The following SGCD variants were observed in gnomAD, a reference collection of about 807,000 sequenced individuals.
SGCD encodes sarcoglycan delta.
A neutral mutation model predicts 36.6 loss-of-function variants in SGCD; 18 were observed. That is an observed-to-expected ratio of 0.49 (90% CI 0.34 to 0.73). SGCD has a LOEUF of 0.73. Ranked by LOEUF, SGCD falls within the 30% of genes least tolerant of loss-of-function variation. The pLI is 0.01. For synonymous variants in SGCD, 133 were observed against 130.6 expected, an observed-to-expected ratio of 1.02 and a Z score of -0.12; for missense variants, 387 against 346.7, an observed-to-expected ratio of 1.12 and a Z score of -0.92.
intron 7 of SGCD, among the ~76,000 whole-genome samples, chr5:156,711,274 A>G (rs892254201): frequency 3.3e-5 from 5 of 152,156 alleles, no homozygotes; most frequent in African/African-American, 4.8e-5. Context: ...TGTTTTCCCC[A>G]TAGAGGCAGA....
intron 1 of SGCD, among the ~76,000 whole-genome samples, chr5:155,977,662 A>T (rs1352987563): frequency 6.6e-6 from 1 of 152,222 alleles, no homozygotes; most frequent in Non-Finnish European, 1.5e-5. Flanking sequence ...AGCCCAGAAT[A>T]TTCACCCAGG....
chr5:155,912,458 T>C (rs1339505436), intron 1 of SGCD, among the ~76,000 whole-genome samples: 1 of 152,190 alleles, frequency 6.6e-6, no homozygotes, highest in Non-Finnish European at 1.5e-5. Flanking sequence ...CATGAACACC[T>C]TGGGTTCTGT....
chr5:156,389,864 G>A (rs1487487531), intron 3 of SGCD, among the ~76,000 whole-genome samples: 1 of 151,778 alleles, frequency 6.6e-6, no homozygotes, highest in African/African-American at 2.4e-5. Context: ...TTAGAAGCTT[G>A]TTGTATGACT....
chr5:155,868,410 G>A (rs577437086), upstream of SGCD, among the ~76,000 whole-genome samples: 131 of 144,572 alleles, frequency 9.1e-4, no homozygotes, highest in Non-Finnish European at 1.4e-3. Context: ...GTTGACCAGG[G>A]TGCCAGACTG....
chr5:156,026,150 G>GTAC (rs1247446258), intron 1 of SGCD, among the ~76,000 whole-genome samples: 1 of 152,208 alleles, frequency 6.6e-6, no homozygotes, highest in East Asian at 1.9e-4. Context: ...ATGCAACTTA[G>GTAC]TACTGTGGGT....
Position 156,589,446 on chromosome 5 carries a change from T to G in SGCD, c.382+128T>G, listed in dbSNP as rs541488895. The G allele has an allele frequency of 1.0e-5, 6 of 597,452 alleles. No homozygotes were observed. In the African/African-American group the frequency reaches 1.1e-4, roughly 11 times the overall value. 37.0% of individuals were successfully genotyped at this position (597,452 alleles called of 1,614,324 possible). On this transcript the variant is annotated intron_variant, in intron 5 of 8. Transcript: ENST00000337851. Reference sequence around the variant, plus strand: ...GCTAACACATTGTTGAGAAAGAGAATGTAGCATGTGTTCCATGATTCTACT... The same window carrying G: ...GCTAACACATTGTTGAGAAAGAGAAGGTAGCATGTGTTCCATGATTCTACT...
At chr5:156,584,482 G>A (rs1760410701) in intron 4 of SGCD, among the ~76,000 whole-genome samples, 2 of 152,204 alleles carry the variant, frequency 1.3e-5, no homozygotes, top group Non-Finnish European at 2.9e-5. Flanking sequence ...AGATGAAAAT[G>A]TTAATACAGT....
intron 1 of SGCD, among the ~76,000 whole-genome samples, chr5:156,101,209 G>C (rs1022071440): frequency 1.3e-5 from 2 of 152,204 alleles, no homozygotes; most frequent in Non-Finnish European, 2.9e-5. Context: ...GTATTCTGTA[G>C]TTTGACTGTG....
intron 3 of SGCD, among the ~76,000 whole-genome samples, chr5:156,442,325 A>G (rs930317262): frequency 5.9e-5 from 9 of 152,218 alleles, no homozygotes; most frequent in Non-Finnish European, 1.2e-4. Context: ...CAGAGTAGAA[A>G]GGGCTATGAG....
At chr5:156,178,559 A>G (rs1032297865) in intron 3 of SGCD, among the ~76,000 whole-genome samples, 9 of 152,122 alleles carry the variant, frequency 5.9e-5, no homozygotes, top group African/African-American at 2.2e-4. Flanking sequence ...ATATAATTTT[A>G]TCTTATAGAC....
At chr5:155,777,109 A>G in the SGCD span, among the ~76,000 whole-genome samples, 1 of 152,272 alleles carries the variant, frequency 6.6e-6, no homozygotes, top group Non-Finnish European at 1.5e-5. Context: ...TAGTGGAAGA[A>G]ACATTATCAA....
chr5:156,478,117 T>C (rs1168544790), intron 3 of SGCD, among the ~76,000 whole-genome samples: 1 of 152,134 alleles, frequency 6.6e-6, no homozygotes, highest in Non-Finnish European at 1.5e-5. Context: ...ACCTCATCTG[T>C]TAAGTAGAAA....
chr5:156,108,851 T>C (rs1291077312), intron 1 of SGCD, among the ~76,000 whole-genome samples: 1 of 152,160 alleles, frequency 6.6e-6, no homozygotes, highest in African/African-American at 2.4e-5. Context: ...GACAACAGTC[T>C]ATTATTTCAG....
the SGCD span, among the ~76,000 whole-genome samples, chr5:155,732,160 C>A: frequency 2.0e-5 from 3 of 152,172 alleles, no homozygotes; most frequent in South Asian, 6.2e-4. Flanking sequence ...CAGGGCATTG[C>A]CTTCAGCATT....
intron 1 of SGCD, among the ~76,000 whole-genome samples, chr5:156,047,591 G>A (rs1201635567): frequency 6.6e-6 from 1 of 152,100 alleles, no homozygotes; most frequent in Non-Finnish European, 1.5e-5. Context: ...CAGAAAATCT[G>A]TTTATAGCAT....
Position 156,510,137 on chromosome 5 carries a change from G to C in SGCD, c.294+1435G>C, listed in dbSNP as rs547502034. Among the ~76,000 whole-genome samples the C allele has an allele frequency of 2.0e-5, 3 of 152,260 alleles. No individual in the cohort carries two copies. The East Asian group carries it at 5.8e-4, about 29-fold the overall frequency. ...TTTCTTGTGTGCTTAGTAAAAGAGA[G>C]GGAACAAGGATGTTAAAACTATCAA... On this transcript the variant is annotated intron_variant, in intron 4 of 8. Transcript: ENST00000337851.
chr5:156,155,603 C>T (rs1181333845), intron 3 of SGCD, among the ~76,000 whole-genome samples: 7 of 125,442 alleles, frequency 5.6e-5, no homozygotes, highest in African/African-American at 1.2e-4. Context: ...CTAGTAATGT[C>T]GTGGGCTAGG....
At chr5:156,530,149 A>G (rs1304878918) in intron 4 of SGCD, among the ~76,000 whole-genome samples, 2 of 152,228 alleles carry the variant, frequency 1.3e-5, no homozygotes, top group East Asian at 3.9e-4. Flanking sequence ...TTGCAACATC[A>G]GAGTCCTGAA....
chr5:156,135,950 G>A (rs1175068409), intron 3 of SGCD, among the ~76,000 whole-genome samples: 2 of 152,022 alleles, frequency 1.3e-5, no homozygotes, highest in Admixed American at 6.6e-5. Flanking sequence ...GTCATTATTA[G>A]CGGTGTAACA....
Sources: gnomAD v4.1 joint callset for allele counts (sites outside exome capture counted in the v4.1 genomes callset) on GRCh38, gnomAD v4.1.1 for gene constraint, MANE v1.5 for transcripts, NCBI Gene and HGNC (gene_info 2026-07-23, HGNC 2026-07-21) for gene names.